ITCH: variants seen among roughly 807,000 people sequenced by gnomAD.
The protein encoded by ITCH is E3 ubiquitin-protein ligase Itchy homolog.
ITCH carries 28 observed loss-of-function variants against 126.8 expected under a neutral mutation model. That is an observed-to-expected ratio of 0.22 (90% CI 0.16 to 0.30). The LOEUF (loss-of-function observed/expected upper bound fraction) is 0.30. ITCH is among the 10% of genes least tolerant of loss of function. ITCH has a pLI of 1.00. For missense variants in ITCH, 631 were observed against 1,032.4 expected (o/e 0.61, Z 5.33); for synonymous variants, 342 against 340.0 (o/e 1.01, Z -0.06).
intron 6 of ITCH, among the ~76,000 whole-genome samples, chr20:34,419,249 A>G (rs1980407654): frequency 6.6e-6 from 1 of 152,208 alleles, no homozygotes; most frequent in South Asian, 2.1e-4. Flanking sequence ...TAAGATATAA[A>G]ATAAAATGAG....
At chr20:34,420,658 T>C (rs1980637525) in intron 6 of ITCH, among the ~76,000 whole-genome samples, 1 of 152,246 alleles carries the variant, frequency 6.6e-6, no homozygotes, top group Non-Finnish European at 1.5e-5. Context: ...CCTTGTAATT[T>C]TTTTTGATAC....
chr20:34,422,450 T>C (rs1415355285), intron 6 of ITCH, among the ~76,000 whole-genome samples: 1 of 152,248 alleles, frequency 6.6e-6, no homozygotes, highest in Admixed American at 6.5e-5. Context: ...GGATATTTTG[T>C]TGTGGTTTTC....
At chr20:34,411,341 A>G (rs887240231) in intron 4 of ITCH, among the ~76,000 whole-genome samples, 1 of 152,040 alleles carries the variant, frequency 6.6e-6, no homozygotes, top group Middle Eastern at 3.2e-3. Flanking sequence ...TTTAGTAGAG[A>G]CGGGGTTTCA....
chr20:34,409,082 A>C (rs1227551093), intron 4 of ITCH, among the ~76,000 whole-genome samples: 2 of 151,440 alleles, frequency 1.3e-5, no homozygotes, highest in Non-Finnish European at 2.9e-5. Flanking sequence ...CGGACCTAAA[A>C]AGATTTCTGG....
At chr20:34,446,078 A>G (rs571588151) in intron 11 of ITCH, among the ~76,000 whole-genome samples, 106 of 152,354 alleles carry the variant, frequency 7.0e-4, no homozygotes, top group African/African-American at 2.4e-3. Context: ...AAGTACTCCA[A>G]AATCTTCCTT....
At position 34,470,072 on chromosome 20, in the gene ITCH, T is replaced by C; in HGVS notation, c.1449T>C (p.Tyr483=). ...GAGACAATGGACCTCAGATAGCCTA[T>C]GTTCGGGACTTCAAAGCAAAGGTTC... ...SALDNGPQIA[Y]VRDFKAKVQY... Residue 483 remains tyrosine (Y), a synonymous_variant, in exon 15 of 25, where the codon TAT becomes TAC. Coordinates refer to ENST00000374864, the MANE Select transcript of ITCH (RefSeq NM_031483.7). 1.2e-6 allele frequency: 2 copies of C among 1,614,030 alleles called. No individual in the cohort carries two copies. Among genetic ancestry groups the C allele is most frequent in the Non-Finnish European group, 8.5e-7 (1 of 1,179,890 alleles).
At chr20:34,453,197 C>T (rs1985466488) in intron 12 of ITCH, among the ~76,000 whole-genome samples, 1 of 152,224 alleles carries the variant, frequency 6.6e-6, no homozygotes, top group Non-Finnish European at 1.5e-5. Context: ...TGTGTCAAGG[C>T]TGATCTCAGC....
chr20:34,498,144 T>C (rs573791926), intron 23 of ITCH, among the ~76,000 whole-genome samples: 1 of 152,356 alleles, frequency 6.6e-6, no homozygotes, highest in South Asian at 2.1e-4. Context: ...TAGTTTGTTG[T>C]TTTATAGAAA....
At chr20:34,447,928 G>A (rs1333827645) in intron 11 of ITCH, among the ~76,000 whole-genome samples, 1 of 152,200 alleles carries the variant, frequency 6.6e-6, no homozygotes, top group Non-Finnish European at 1.5e-5. Context: ...TAGCAGGGGA[G>A]CTGCTCTATA....
At chr20:34,408,567 A>G (rs1978484990) in intron 3 of ITCH, 84 bp from the exon 4 acceptor site, 1 of 1,284,882 alleles carries the variant, frequency 7.8e-7, no homozygotes, top group African/African-American at 1.5e-5. Context: ...AATTTAGTAA[A>G]TCTGCCTAAT....
chr20:34,476,345 C>T, intron 16 of ITCH: 1 of 1,322,830 alleles, frequency 7.6e-7, no homozygotes, highest in Non-Finnish European at 1.0e-6. Flanking sequence ...GCGCTCCGGC[C>T]CGGTCCCCGG....
intron 7 of ITCH, among the ~76,000 whole-genome samples, chr20:34,424,978 G>A (rs1325282483): frequency 6.6e-6 from 1 of 152,132 alleles, no homozygotes; most frequent in Non-Finnish European, 1.5e-5. Context: ...GTGCCTATCT[G>A]CGTTCAAGTT....
rs11906557 is a variant in ITCH, at chr20:34,440,398, A to G, written c.869+54A>G. 18,745 of 1,265,548 alleles carry G rather than the reference A, an allele frequency of 0.015. 2,005 individuals carry two copies. The African/African-American group carries it at 0.24, about 16-fold the overall frequency. 78.4% of individuals were successfully genotyped at this position (1,265,548 alleles called of 1,614,324 possible). A position where few individuals can be genotyped will look rare whatever the true frequency, so the allele number is the denominator to read the frequency against. Reference sequence around the variant, plus strand: ...TGTCTTTAGGATTCTTCATAAGCCTACTTATTAATAAGGAAAATAACAGTA... The same window carrying G: ...TGTCTTTAGGATTCTTCATAAGCCTGCTTATTAATAAGGAAAATAACAGTA... On this transcript the variant is annotated intron_variant, in intron 9 of 24. Transcript: ENST00000374864.
chr20:34,480,986 A>G, intron 19 of ITCH, 80 bp from the exon 20 acceptor site: 1 of 1,371,684 alleles, frequency 7.3e-7, no homozygotes, highest in Non-Finnish European at 1.0e-6. Flanking sequence ...TTATTTAAGA[A>G]CATGGGCCTT....
intron 2 of ITCH, among the ~76,000 whole-genome samples, chr20:34,382,321 T>G (rs1361115220): frequency 3.9e-5 from 6 of 152,232 alleles, no homozygotes; most frequent in African/African-American, 1.4e-4. Flanking sequence ...TTTTGGCTCC[T>G]TTTAAGGAAA....
At chr20:34,472,390 A>C (rs1172544367) in intron 16 of ITCH, among the ~76,000 whole-genome samples, 1 of 145,860 alleles carries the variant, frequency 6.9e-6, no homozygotes, top group Non-Finnish European at 1.5e-5. Flanking sequence ...AAAAAAAAAA[A>C]AAAAAAACTT....
chr20:34,471,499 A>T lies in ITCH; in HGVS notation c.1553A>T (p.Glu518Val). The change falls in exon 16 of 25, where the codon GAG (glutamate) becomes GTG (valine). Residue 518 changes from glutamate (E) to valine (V), a missense_variant. By Grantham distance (121) the Glu-to-Val change is moderately radical. Around this residue, in one of 4 missense-constraint regions of ITCH, gnomAD observed 390 missense variants for 731.6 expected, o/e 0.53. Coordinates refer to ENST00000374864, the MANE Select transcript of ITCH (RefSeq NM_031483.7). Reference sequence around the variant, plus strand: ...ACAGTGACAAGAAAAACATTGTTTGAGGATTCCTTTCAACAGGTACTGTTT... The same window carrying T: ...ACAGTGACAAGAAAAACATTGTTTGTGGATTCCTTTCAACAGGTACTGTTT... The part of the protein sequence containing the change: ...KITVTRKTLF[E>V]DSFQQIMSFS... 4 of 1,602,326 alleles carry T rather than the reference A, an allele frequency of 2.5e-6. No homozygotes were observed. Among genetic ancestry groups the T allele is most frequent in the Non-Finnish European group, 3.4e-6 (4 of 1,169,196 alleles).
chr20:34,467,451 C>T (rs2146400737), intron 14 of ITCH, among the ~76,000 whole-genome samples: 1 of 151,408 alleles, frequency 6.6e-6, no homozygotes, highest in South Asian at 2.1e-4. Context: ...ATTGCTTGAG[C>T]CCAGGAAGCT....
chr20:34,492,910 G>A (rs903771050), intron 23 of ITCH, among the ~76,000 whole-genome samples: 1 of 152,144 alleles, frequency 6.6e-6, no homozygotes, highest in African/African-American at 2.4e-5. Context: ...ATTATTTAAC[G>A]ATGTGAGAAG....
Sources: gnomAD v4.1 joint callset for allele counts (sites outside exome capture counted in the v4.1 genomes callset) on GRCh38, gnomAD v4.1.1 for gene constraint, gnomAD v4.1.1 regional missense constraint, MANE v1.5 for transcripts, NCBI Gene and HGNC (gene_info 2026-07-23, HGNC 2026-07-21) for gene names.